NXPE4: variants seen among roughly 807,000 people sequenced by gnomAD.
The protein encoded by NXPE4 is NXPE family member 4.
In NXPE4, 42 loss-of-function variants were observed where a neutral mutation model predicts 33.3. The ratio of observed to expected loss-of-function variants is 1.26; its 90% CI spans 0.98 to 1.63. The LOEUF (loss-of-function observed/expected upper bound fraction) is 1.63, where lower values mean the gene tolerates loss of function less well. Ranked by LOEUF, NXPE4 falls within the 40% of genes most tolerant of loss-of-function variation. NXPE4 has a pLI of 0.00. For missense variants in NXPE4, 709 were observed against 647.6 expected, an observed-to-expected ratio of 1.09 and a Z score of -1.03; for synonymous variants, 253 against 234.9, an observed-to-expected ratio of 1.08 and a Z score of -0.71.
upstream of NXPE4, among the ~76,000 whole-genome samples, chr11:114,597,907 A>G (rs1256372570): frequency 1.3e-5 from 2 of 152,168 alleles, no homozygotes; most frequent in African/African-American, 2.4e-5. Context: ...TTCAAAATAC[A>G]ATCATGCCTT....
At chr11:114,656,255 A>C in the NXPE4 span, among the ~76,000 whole-genome samples, 5 of 152,170 alleles carry the variant, frequency 3.3e-5, no homozygotes, top group Non-Finnish European at 4.4e-5. Context: ...GAGAACTACA[A>C]GCCACTACTC....
At chr11:114,627,846 CA>C in the NXPE4 span, among the ~76,000 whole-genome samples, 1 of 150,344 alleles carries the variant, frequency 6.7e-6, no homozygotes, top group Non-Finnish European at 1.5e-5. Context: ...AAATGGAAAA[CA>C]AAAAAATGCA....
the NXPE4 span, among the ~76,000 whole-genome samples, chr11:114,627,624 T>C: frequency 1.3e-5 from 2 of 150,972 alleles, no homozygotes; most frequent in Non-Finnish European, 2.9e-5. Flanking sequence ...ACGAGCAAAA[T>C]AACCACTTAA....
chr11:114,638,689 A>G, the NXPE4 span, among the ~76,000 whole-genome samples: 3 of 151,988 alleles, frequency 2.0e-5, no homozygotes, highest in African/African-American at 7.2e-5. Flanking sequence ...AACAGACAGG[A>G]CCGTCAGCTG....
At position 114,571,449 on chromosome 11, in the gene NXPE4, T is replaced by G; in HGVS notation, c.1124A>C (p.Glu375Ala). The G allele has an allele frequency of 6.2e-7, 1 of 1,609,176 alleles. No homozygotes were observed. The highest frequency in any genetic ancestry group is 8.5e-7 in the Non-Finnish European group (1 of 1,176,182). Residue 375 changes from glutamate (E) to alanine (A), a missense_variant, in exon 6 of 6, where the codon GAA (glutamate) becomes GCA (alanine). Coordinates refer to ENST00000375478, the MANE Select transcript of NXPE4 (RefSeq NM_001077639.2). The stretch of plus-strand genomic sequence containing the variant: ...AAGCTGGTGTTGCAATTTTCCAGAT[T>G]CATGCAGATCCACTGACTTCAGTGC... ...INTLKSVDLHESGKLQHQLAV... is the reference protein window; with the variant it reads ...INTLKSVDLHASGKLQHQLAV...
chr11:114,655,236 A>G, the NXPE4 span, among the ~76,000 whole-genome samples: 1 of 152,164 alleles, frequency 6.6e-6, no homozygotes, highest in Non-Finnish European at 1.5e-5. Flanking sequence ...CCTTTGTCAG[A>G]TGGGTAGATT....
the NXPE4 span, among the ~76,000 whole-genome samples, chr11:114,607,612 G>A: frequency 1.3e-5 from 2 of 148,236 alleles, no homozygotes; most frequent in Non-Finnish European, 3.0e-5. Flanking sequence ...TGAGTAACCA[G>A]TGTTACCCGG....
chr11:114,609,462 G>T, the NXPE4 span, among the ~76,000 whole-genome samples: 1 of 151,852 alleles, frequency 6.6e-6, no homozygotes, highest in Non-Finnish European at 1.5e-5. Flanking sequence ...TTACCCAATG[G>T]ATAATAAGTG....
the NXPE4 span, among the ~76,000 whole-genome samples, chr11:114,677,455 A>G: frequency 2.0e-5 from 3 of 152,102 alleles, no homozygotes; most frequent in African/African-American, 7.2e-5. Flanking sequence ...GGACACTATT[A>G]TAACTGTCAT....
the NXPE4 span, among the ~76,000 whole-genome samples, chr11:114,655,453 T>C: frequency 6.6e-6 from 1 of 152,206 alleles, no homozygotes; most frequent in African/African-American, 2.4e-5. Flanking sequence ...TTTTTATGGT[T>C]TGAGGTTTTA....
At chr11:114,591,867 T>C (rs937185010) in intron 2 of NXPE4, among the ~76,000 whole-genome samples, 2 of 152,112 alleles carry the variant, frequency 1.3e-5, no homozygotes, top group Non-Finnish European at 2.9e-5. Flanking sequence ...TTGACCAGGG[T>C]ATATTATGTC....
the NXPE4 span, among the ~76,000 whole-genome samples, chr11:114,639,858 A>G: frequency 1.3e-5 from 1 of 76,180 alleles, no homozygotes; most frequent in Non-Finnish European, 2.3e-5. Flanking sequence ...TATAATATAT[A>G]TTATATTTTA....
intron 2 of NXPE4, among the ~76,000 whole-genome samples, chr11:114,591,366 C>A (rs997677661): frequency 2.6e-5 from 4 of 152,156 alleles, no homozygotes; most frequent in African/African-American, 9.7e-5. Flanking sequence ...TAAATTACCA[C>A]CAGGAAATTA....
upstream of NXPE4, among the ~76,000 whole-genome samples, chr11:114,596,006 T>C (rs2135307812): frequency 6.6e-6 from 1 of 152,256 alleles, no homozygotes; most frequent in African/African-American, 2.4e-5. Context: ...ATTTGATAAA[T>C]ATTATAGTTA....
chr11:114,633,887 C>A, the NXPE4 span, among the ~76,000 whole-genome samples: 2 of 151,944 alleles, frequency 1.3e-5, no homozygotes, highest in East Asian at 3.8e-4. Context: ...GGGTTGGTTC[C>A]AAGTCTGCTA....
At chr11:114,676,991 C>T in the NXPE4 span, among the ~76,000 whole-genome samples, 2 of 151,956 alleles carry the variant, frequency 1.3e-5, no homozygotes, top group Non-Finnish European at 2.9e-5. Context: ...GGACATTATG[C>T]TGGGTAAAAT....
the NXPE4 span, among the ~76,000 whole-genome samples, chr11:114,601,816 T>G: frequency 2.7e-5 from 2 of 74,578 alleles, no homozygotes; most frequent in African/African-American, 5.4e-5. Context: ...ATTATATAAT[T>G]ATATATAATA....
Position 114,571,264 on chromosome 11 carries a change from GGCCCAGGGAA to G in NXPE4, c.1299_1308del (p.Leu435IlefsTer26), listed in dbSNP as rs771143287. 2.5e-5 allele frequency: 40 copies of G among 1,613,870 alleles called. No homozygotes were observed. In the African/African-American group the frequency reaches 5.1e-4, roughly 20 times the overall value. On this transcript the variant is annotated frameshift_variant, in exon 6 of 6. Coordinates refer to ENST00000375478, the MANE Select transcript of NXPE4 (RefSeq NM_001077639.2). LOFTEE classifies it low-confidence loss of function (END_TRUNC). The stretch of plus-strand genomic sequence containing the variant: ...TCAATGGGAAAGGGTCTGAAATGCT[GGCCCAGGGAA>G]ATAACAATGACAGTATTTTTTTCTC...
chr11:114,639,810 T>TAATATAAAATATAATATATCTTATATTA, the NXPE4 span, among the ~76,000 whole-genome samples: 2 of 77,950 alleles, frequency 2.6e-5, 1 homozygote, highest in Non-Finnish European at 4.8e-5. Flanking sequence ...AAATATAAAA[T>TAATATAAAATATAATATATCTTATATTA]AATATAAAAT....
Sources: allele counts gnomAD v4.1 joint callset (sites outside exome capture counted in the v4.1 genomes callset), GRCh38; gene constraint gnomAD v4.1.1; transcripts MANE v1.5; gene names NCBI Gene and HGNC (gene_info 2026-07-23, HGNC 2026-07-21).